Variants in DENND5A observed in about 807,000 individuals in gnomAD.
DENND5A encodes DENN domain containing 5A.
Under a neutral mutation model 140.3 loss-of-function variants are expected in DENND5A, and 64 were observed. That is an observed-to-expected ratio of 0.46 (90% CI 0.37 to 0.56). The LOEUF (loss-of-function observed/expected upper bound fraction) is 0.56. Ranked by LOEUF, DENND5A falls within the 20% of genes least tolerant of loss-of-function variation. The pLI, the probability that DENND5A is intolerant of heterozygous loss-of-function variation, is 0.00. For missense variants in DENND5A, 1,292 were observed against 1,593.8 expected (o/e 0.81, Z 3.22); for synonymous variants, 605 against 607.7 (o/e 1.00, Z 0.07).
At chr11:9,186,612 A>G (rs1848921950) in intron 5 of DENND5A, among the ~76,000 whole-genome samples, 1 of 152,212 alleles carries the variant, frequency 6.6e-6, no homozygotes, top group Admixed American at 6.5e-5. Context: ...AATCTTTAAA[A>G]CTCCAAATGC....
chr11:9,259,730 A>T (rs545866830), intron 1 of DENND5A, among the ~76,000 whole-genome samples: 1 of 152,102 alleles, frequency 6.6e-6, no homozygotes, highest in South Asian at 2.1e-4. Context: ...TAAAGGTGAC[A>T]TTAAGAGACT....
chr11:9,164,683 G>T (rs1848126133), intron 11 of DENND5A, among the ~76,000 whole-genome samples: 1 of 152,114 alleles, frequency 6.6e-6, no homozygotes, highest in Admixed American at 6.6e-5. Context: ...ACACATTTTA[G>T]CCTGGCACAT....
chr11:9,160,643 G>C, intron 12 of DENND5A, 70 bp downstream of exon 12: 1 of 1,445,702 alleles, frequency 6.9e-7, no homozygotes, highest in Non-Finnish European at 9.5e-7. Context: ...GACAAAAAGA[G>C]TGTGGGAAAG....
chr11:9,240,500 A>G (rs1049722143), intron 1 of DENND5A, among the ~76,000 whole-genome samples: 5 of 152,196 alleles, frequency 3.3e-5, no homozygotes, highest in Admixed American at 6.6e-5. Context: ...ACTTGAGTCC[A>G]GGAGTTAGAG....
chr11:9,208,113 C>T (rs970480459), intron 1 of DENND5A, among the ~76,000 whole-genome samples: 1 of 152,186 alleles, frequency 6.6e-6, no homozygotes, highest in Non-Finnish European at 1.5e-5. Flanking sequence ...CAAGTGAAAT[C>T]TATACCTGTT....
intron 1 of DENND5A, among the ~76,000 whole-genome samples, chr11:9,257,278 G>A (rs896147222): frequency 2.0e-5 from 3 of 151,686 alleles, no homozygotes; most frequent in African/African-American, 4.8e-5. Flanking sequence ...TTATAGGCGT[G>A]AGCAACCATG....
At chr11:9,216,810 G>A (rs1850111728) in intron 1 of DENND5A, among the ~76,000 whole-genome samples, 1 of 152,180 alleles carries the variant, frequency 6.6e-6, no homozygotes, top group Non-Finnish European at 1.5e-5. Flanking sequence ...AGATTGAGCT[G>A]CAGTGAGCTG....
At chr11:9,209,188 C>T (rs1158995197) in intron 1 of DENND5A, among the ~76,000 whole-genome samples, 2 of 152,132 alleles carry the variant, frequency 1.3e-5, no homozygotes, top group African/African-American at 4.8e-5. Context: ...CAACTATCAC[C>T]GTTCTCTGTA....
intron 12 of DENND5A, among the ~76,000 whole-genome samples, chr11:9,159,810 C>T (rs1847921027): frequency 6.6e-6 from 1 of 152,254 alleles, no homozygotes; most frequent in South Asian, 2.1e-4. Flanking sequence ...CATTTCTCCA[C>T]ATCCTTAACA....
chr11:9,169,746 T>C (rs1848309716), intron 10 of DENND5A, 110 bp downstream of exon 10: 1 of 701,692 alleles, frequency 1.4e-6, no homozygotes, highest in Non-Finnish European at 2.6e-6. Context: ...CTTTATGGGG[T>C]GAGGTCATTG....
At chr11:9,203,484 A>T in intron 4 of DENND5A, 176 bp downstream of exon 4, 1 of 637,098 alleles carries the variant, frequency 1.6e-6, no homozygotes, top group Non-Finnish European at 2.6e-6. Flanking sequence ...ATAGTTAATC[A>T]GAAATACTGG....
At chr11:9,200,039 C>T (rs1849472533) in intron 4 of DENND5A, among the ~76,000 whole-genome samples, 2 of 152,194 alleles carry the variant, frequency 1.3e-5, no homozygotes, top group South Asian at 2.1e-4. Context: ...TACATACTAA[C>T]CATCTCAATT....
At chr11:9,201,856 T>G (rs1849535349) in intron 4 of DENND5A, among the ~76,000 whole-genome samples, 1 of 151,934 alleles carries the variant, frequency 6.6e-6, no homozygotes, top group Admixed American at 6.6e-5. Context: ...AATAATTAGT[T>G]TCAAAGTATC....
At chr11:9,215,550 C>CCTTTTTTT in intron 1 of DENND5A, among the ~76,000 whole-genome samples, 1 of 140,524 alleles carries the variant, frequency 7.1e-6, no homozygotes, top group Non-Finnish European at 1.5e-5. Flanking sequence ...ATCCTGTGTT[C>CCTTTTTTT]TTTTTTTTTT....
chr11:9,179,623 C>A (rs758689752), intron 6 of DENND5A, among the ~76,000 whole-genome samples: 5 of 152,076 alleles, frequency 3.3e-5, no homozygotes, highest in Non-Finnish European at 7.4e-5. Context: ...CCTCACCCTC[C>A]CCAGTAGCTG....
chr11:9,225,047 G>A lies in DENND5A; in HGVS notation c.110-17415C>T, dbSNP rs74052996. On this transcript the variant is annotated intron_variant, in intron 1 of 22. Transcript: ENST00000328194. ...CACAATCCTAGTCCCTAGAACCGAC[G>A]TCTAACTCTATGTGTAATCTAACTA... 5.2e-3 allele frequency among the ~76,000 whole-genome samples: 796 copies of A among 152,106 alleles called. 8 individuals are homozygous for A. The highest frequency in any genetic ancestry group is 0.018 in the African/African-American group (755 of 41,482).
At chr11:9,171,550 TCA>T (rs1848373521) in intron 8 of DENND5A, 1 of 152,148 alleles carries the variant, frequency 6.6e-6, no homozygotes, top group Admixed American at 6.5e-5. Flanking sequence ...ATAGTAAAAT[TCA>T]CAGTGTCTGG....
chr11:9,220,477 G>A (rs1850266403), intron 1 of DENND5A, among the ~76,000 whole-genome samples: 1 of 152,134 alleles, frequency 6.6e-6, no homozygotes, highest in African/African-American at 2.4e-5. Flanking sequence ...AACCCAGGAG[G>A]TGGAAGTTGC....
At chr11:9,156,671 G>A (rs1209368110) in intron 12 of DENND5A, among the ~76,000 whole-genome samples, 1 of 151,874 alleles carries the variant, frequency 6.6e-6, no homozygotes, top group African/African-American at 2.4e-5. Context: ...GCATTGTGGT[G>A]CGGAGCTGTA....
Sources: gnomAD v4.1 joint callset for allele counts (sites outside exome capture counted in the v4.1 genomes callset) on GRCh38, gnomAD v4.1.1 for gene constraint, MANE v1.5 for transcripts, NCBI Gene and HGNC (gene_info 2026-07-23, HGNC 2026-07-21) for gene names.